The following COL23A1 variants were observed in gnomAD, a reference collection of about 807,000 sequenced individuals.
The protein encoded by COL23A1 is collagen alpha-1(XXIII) chain.
Under a neutral mutation model 99.3 loss-of-function variants are expected in COL23A1, and 97 were observed. The observed-to-expected ratio is 0.98, with a 90% confidence interval of 0.83 to 1.16. The LOEUF (loss-of-function observed/expected upper bound fraction) is 1.16. Ranked by LOEUF, COL23A1 falls within the 50% of genes most tolerant of loss-of-function variation. The probability of loss-of-function intolerance (pLI) is 0.00; values close to 1 mark genes in which losing one functional copy is unlikely to be tolerated. For missense variants in COL23A1, 762 were observed against 757.4 expected, an observed-to-expected ratio of 1.01 and a Z score of -0.07; for synonymous variants, 320 against 308.2, an observed-to-expected ratio of 1.04 and a Z score of -0.40.
chr5:178,479,015 C>T lies in COL23A1; in HGVS notation c.361+81667G>A, dbSNP rs369026289. Among the ~76,000 whole-genome samples the T allele has an allele frequency of 1.4e-3, 217 of 152,142 alleles. 1 individual carries two copies. The highest frequency in any genetic ancestry group is 4.7e-3 in the African/African-American group (195 of 41,514). On this transcript the variant is annotated intron_variant, in intron 2 of 28. Coordinates refer to ENST00000390654, the MANE Select transcript of COL23A1 (RefSeq NM_173465.4). ...TTTCTTGTCACCCTGGCTTCCTGGGCCATGTGAGGCCCAGGGAGACAGCCA... is the reference window on the plus strand; with the variant it reads ...TTTCTTGTCACCCTGGCTTCCTGGGTCATGTGAGGCCCAGGGAGACAGCCA...
chr5:178,447,685 G>A (rs994000246), intron 2 of COL23A1, among the ~76,000 whole-genome samples: 1 of 152,146 alleles, frequency 6.6e-6, no homozygotes, highest in Non-Finnish European at 1.5e-5. Flanking sequence ...GCCTACTGAT[G>A]CATTACTCAG....
chr5:178,380,956 C>T (rs563043521), intron 2 of COL23A1, among the ~76,000 whole-genome samples: 2 of 152,342 alleles, frequency 1.3e-5, no homozygotes, highest in African/African-American at 2.4e-5. Flanking sequence ...CCCACCCAGC[C>T]GGCAGGCACA....
rs137873422 is a variant in COL23A1, at chr5:178,559,743, G to A, written c.361+939C>T. ...CAAAAGCCACCTTTCCCTGCATGTC[G>A]AGAAGTCTGAGACACATCACCCAAA... On this transcript the variant is annotated intron_variant, in intron 2 of 28. Coordinates refer to ENST00000390654, the MANE Select transcript of COL23A1 (RefSeq NM_173465.4). Among the ~76,000 whole-genome samples, 22 of 147,482 alleles carry A rather than the reference G, an allele frequency of 1.5e-4. 1 individual carries two copies. The highest frequency in any genetic ancestry group is 5.7e-4 in the African/African-American group (22 of 38,454).
chr5:178,380,694 G>A (rs888243257), intron 2 of COL23A1, among the ~76,000 whole-genome samples: 1 of 152,234 alleles, frequency 6.6e-6, no homozygotes, highest in African/African-American at 2.4e-5. Flanking sequence ...CCCTGGCTAA[G>A]AGGACGGCCG....
intron 2 of COL23A1, among the ~76,000 whole-genome samples, chr5:178,481,928 G>A (rs1429518748): frequency 1.3e-5 from 2 of 151,052 alleles, no homozygotes; most frequent in Non-Finnish European, 2.9e-5. Context: ...TGTAAATGAC[G>A]AGTTGATGGG....
chr5:178,289,600 T>C (rs1404211816), intron 4 of COL23A1, among the ~76,000 whole-genome samples: 1 of 152,232 alleles, frequency 6.6e-6, no homozygotes, highest in African/African-American at 2.4e-5. Context: ...CAGGGTCTAG[T>C]GGTCAAGCCC....
rs1212147157 is a variant in COL23A1 at position 178,306,559 on chromosome 5, G to A, written c.406+316C>T. Among the ~76,000 whole-genome samples, 6 of 150,956 alleles carry A rather than the reference G, an allele frequency of 4.0e-5. No individual in the cohort carries two copies. Among genetic ancestry groups the A allele is most frequent in the African/African-American group, 7.3e-5 (3 of 40,940 alleles). On this transcript the variant is annotated intron_variant, in intron 3 of 28. Coordinates refer to ENST00000390654, the MANE Select transcript of COL23A1 (RefSeq NM_173465.4). This position sits in a 1 kb window ranked among gnomAD's most constrained non-coding sequence, Gnocchi z 4.1. ...ACCCATGGGGGAGGGTGTGGCTGGC[G>A]GAGTCATCACCTTCTGCCTCAGAGA...
intron 2 of COL23A1, among the ~76,000 whole-genome samples, chr5:178,532,014 C>G (rs1274173108): frequency 6.6e-6 from 1 of 152,194 alleles, no homozygotes; most frequent in Non-Finnish European, 1.5e-5. Context: ...CAGGGTGGCC[C>G]CCAGTGGAAA....
intron 2 of COL23A1, among the ~76,000 whole-genome samples, chr5:178,537,051 T>C (rs1211722012): frequency 6.6e-6 from 1 of 152,206 alleles, no homozygotes; most frequent in Non-Finnish European, 1.5e-5. Context: ...CAGAGACACA[T>C]ACGGCACTGG....
intron 2 of COL23A1, among the ~76,000 whole-genome samples, chr5:178,422,171 G>A (rs1003622050): frequency 2.0e-5 from 3 of 152,170 alleles, no homozygotes; most frequent in African/African-American, 7.2e-5. Flanking sequence ...ACAGTGTCTG[G>A]ATAATAGGTG....
chr5:178,390,292 G>A (rs1763898352), intron 2 of COL23A1, among the ~76,000 whole-genome samples: 1 of 152,266 alleles, frequency 6.6e-6, no homozygotes, highest in African/African-American at 2.4e-5. Context: ...TCTGGATCAT[G>A]TGGGATGTAC....
intron 2 of COL23A1, among the ~76,000 whole-genome samples, chr5:178,489,658 G>A (rs1041625282): frequency 3.3e-5 from 5 of 152,154 alleles, no homozygotes; most frequent in East Asian, 1.9e-4. Flanking sequence ...CTAGGAAGTC[G>A]GGAGGGTGGG....
chr5:178,585,371 A>C (rs1424138169), intron 1 of COL23A1, among the ~76,000 whole-genome samples: 1 of 145,286 alleles, frequency 6.9e-6, no homozygotes, highest in Non-Finnish European at 1.5e-5. Context: ...GCCCCAGCTG[A>C]CTCTAGGGTA....
intron 2 of COL23A1, among the ~76,000 whole-genome samples, chr5:178,554,016 C>T (rs937634278): frequency 7.2e-5 from 11 of 152,180 alleles, no homozygotes; most frequent in African/African-American, 2.4e-4. Flanking sequence ...CTCTCAGAAA[C>T]CCCACTTCAC....
intron 5 of COL23A1, among the ~76,000 whole-genome samples, chr5:178,275,317 G>A (rs1489252201): frequency 6.6e-6 from 1 of 152,210 alleles, no homozygotes; most frequent in African/African-American, 2.4e-5. Context: ...TGCTGGGAGC[G>A]ACCCGTGTGT....
chr5:178,530,043 A>G (rs1760555331), intron 2 of COL23A1, among the ~76,000 whole-genome samples: 1 of 152,254 alleles, frequency 6.6e-6, no homozygotes, highest in Non-Finnish European at 1.5e-5. Context: ...TGAGAAGTCT[A>G]GCCTCTGTTG....
At chr5:178,527,936 A>T (rs1760407758) in intron 2 of COL23A1, among the ~76,000 whole-genome samples, 1 of 152,252 alleles carries the variant, frequency 6.6e-6, no homozygotes, top group East Asian at 1.9e-4. Context: ...CACACACAAA[A>T]GGATGACTTA....
intron 2 of COL23A1, among the ~76,000 whole-genome samples, chr5:178,526,176 C>CT (rs1760297570): frequency 6.6e-6 from 1 of 152,202 alleles, no homozygotes; most frequent in Non-Finnish European, 1.5e-5. Context: ...CTGGGGTCGA[C>CT]TCCTGTGGGT....
rs1265461047 is a variant in COL23A1 at position 178,439,701 on chromosome 5, G to A, written c.361+120981C>T. On this transcript the variant is annotated intron_variant, in intron 2 of 28. Coordinates refer to ENST00000390654, the MANE Select transcript of COL23A1 (RefSeq NM_173465.4). The surrounding 1 kb of genome is among the most constrained non-coding windows in gnomAD (Gnocchi z 4.2). Reference sequence around the variant, plus strand: ...TGCAGTGCAGCAACTCCGCTCCTAGGATCTCCCCGGGAGAAATGAAAACAT... The same window carrying A: ...TGCAGTGCAGCAACTCCGCTCCTAGAATCTCCCCGGGAGAAATGAAAACAT... The A allele has an allele frequency of 6.6e-6, 1 of 152,210 alleles. No homozygotes were observed. Among genetic ancestry groups the A allele is most frequent in the Non-Finnish European group, 1.5e-5 (1 of 68,054 alleles). The allele number at this position is 152,210 out of a possible 1,614,324, so 9.4% of individuals were successfully genotyped here.
Sources: gnomAD v4.1 joint callset for allele counts (sites outside exome capture counted in the v4.1 genomes callset) on GRCh38, gnomAD v4.1.1 for gene constraint, Gnocchi (gnomAD v3.1) non-coding constraint, MANE v1.5 for transcripts, NCBI Gene and HGNC (gene_info 2026-07-23, HGNC 2026-07-21) for gene names.